Variants in NGLY1 observed in about 807,000 individuals in gnomAD.
NGLY1 encodes the protein peptide-N(4)-(N-acetyl-beta-glucosaminyl)asparagine amidase.
Under a neutral mutation model 84.6 loss-of-function variants are expected in NGLY1, and 68 were observed. That is an observed-to-expected ratio of 0.80 (90% CI 0.66 to 0.98). NGLY1 has a LOEUF of 0.98. NGLY1 is among the 50% of genes least tolerant of loss of function. The probability of loss-of-function intolerance (pLI) is 0.00; values close to 1 mark genes in which losing one functional copy is unlikely to be tolerated. For missense variants in NGLY1, 779 were observed against 770.2 expected (o/e 1.01, Z -0.14); for synonymous variants, 280 against 275.2 (o/e 1.02, Z -0.17).
intron 1 of NGLY1, chr3:25,789,771 A>G (rs1708681581): frequency 7.2e-7 from 1 of 1,394,690 alleles, no homozygotes; most frequent in African/African-American, 1.4e-5. Flanking sequence ...TTCCAGTAGA[A>G]TACGATGGTG....
rs533916953 is a variant in NGLY1 at position 25,781,983 on chromosome 3, T to C, written c.131+1277A>G. ...ATGGAGTCCCTTGGCATCCTTGTAC[T>C]GTGAAGAGCTGTAAGGCCTCAAAGA... On this transcript the variant is annotated intron_variant, in intron 1 of 11. Transcript: ENST00000280700. 2.0e-5 allele frequency among the ~76,000 whole-genome samples: 3 copies of C among 152,214 alleles called. No individual in the cohort carries two copies. The South Asian group carries it at 6.2e-4, about 32-fold the overall frequency.
chr3:25,762,355 T>C (rs1456076329), intron 3 of NGLY1, among the ~76,000 whole-genome samples: 4 of 152,144 alleles, frequency 2.6e-5, no homozygotes, highest in African/African-American at 9.7e-5. Flanking sequence ...CAAAATACTT[T>C]AAAGAAATAC....
At chr3:25,767,545 C>T (rs1033139907) in intron 2 of NGLY1, among the ~76,000 whole-genome samples, 4 of 152,168 alleles carry the variant, frequency 2.6e-5, no homozygotes, top group Admixed American at 6.5e-5. Flanking sequence ...AACTACTCCA[C>T]TGAGATAAAC....
chr3:25,748,244 C>G (rs1009771693), intron 4 of NGLY1, among the ~76,000 whole-genome samples: 1 of 152,168 alleles, frequency 6.6e-6, no homozygotes, highest in Non-Finnish European at 1.5e-5. Flanking sequence ...ATAGAACCTT[C>G]TCCTTGATAC....
intron 3 of NGLY1, among the ~76,000 whole-genome samples, chr3:25,753,339 T>C (rs993678911): frequency 6.6e-6 from 1 of 152,160 alleles, no homozygotes; most frequent in Admixed American, 6.6e-5. Context: ...ATAAATATAT[T>C]TTCTGATATG....
chr3:25,736,323 G>A (rs1411075052), intron 6 of NGLY1, 174 bp from the exon 7 acceptor site: 4 of 1,551,256 alleles, frequency 2.6e-6, no homozygotes, highest in Admixed American at 2.0e-5. Context: ...ATTAATTTCT[G>A]TCTCTTTGAA....
chr3:25,760,601 C>A (rs1707262824), intron 3 of NGLY1, among the ~76,000 whole-genome samples: 1 of 152,072 alleles, frequency 6.6e-6, no homozygotes, highest in Non-Finnish European at 1.5e-5. Context: ...TGGCTCACGC[C>A]TGTAACCCAG....
intron 2 of NGLY1, among the ~76,000 whole-genome samples, chr3:25,768,852 G>C (rs992355504): frequency 6.6e-5 from 10 of 151,820 alleles, no homozygotes; most frequent in African/African-American, 2.2e-4. Flanking sequence ...TCATGAGTAA[G>C]ACTTTAAGAA....
In NGLY1 at chr3:25,737,419, A is replaced by C; in HGVS notation, c.918T>G (p.Cys306Trp). The change falls in exon 6 of 12, where the codon TGT (cysteine) becomes TGG (tryptophan). Residue 306 changes from cysteine (C) to tryptophan (W), a missense_variant. Coordinates refer to ENST00000280700, the MANE Select transcript of NGLY1 (RefSeq NM_018297.4). ...AATTGGCCCACTCGCCACACCGTCC[A>C]CATCTTGTTTCCAAAAGTTTCTCAG... ...NNPEKLLETR[C>W]GRCGEWANCF... 6.2e-7 allele frequency: 1 copy of C among 1,613,396 alleles called. No homozygotes were observed. The highest frequency in any genetic ancestry group is 8.5e-7 in the Non-Finnish European group (1 of 1,179,814).
At chr3:25,750,895 C>T (rs1166830320) in intron 4 of NGLY1, among the ~76,000 whole-genome samples, 1 of 152,158 alleles carries the variant, frequency 6.6e-6, no homozygotes, top group South Asian at 2.1e-4. Flanking sequence ...GTCAGCCCTG[C>T]AGAACCCATG....
At chr3:25,785,651 T>C (rs759369899), upstream of NGLY1, among the ~76,000 whole-genome samples, 11 of 144,162 alleles carry the variant, frequency 7.6e-5, no homozygotes, top group Non-Finnish European at 1.4e-4. Flanking sequence ...CTGGGCAACA[T>C]GGCAAGACCC....
chr3:25,775,389 T>C (rs76129155), intron 2 of NGLY1, among the ~76,000 whole-genome samples: 1 of 152,210 alleles, frequency 6.6e-6, no homozygotes. Flanking sequence ...ATTAACCTAA[T>C]TGTCCATCAA....
At chr3:25,784,322 A>G (rs1301284374), upstream of NGLY1, among the ~76,000 whole-genome samples, 1 of 152,218 alleles carries the variant, frequency 6.6e-6, no homozygotes, top group Non-Finnish European at 1.5e-5. Flanking sequence ...CCAGCGTAAA[A>G]CACATGCATA....
At chr3:25,784,917 T>C (rs2125334193), upstream of NGLY1, among the ~76,000 whole-genome samples, 1 of 152,270 alleles carries the variant, frequency 6.6e-6, no homozygotes, top group Middle Eastern at 3.4e-3. Context: ...TGTCATAATG[T>C]CAGTGGACCC....
intron 10 of NGLY1, among the ~76,000 whole-genome samples, chr3:25,724,623 T>C (rs1705161419): frequency 6.6e-6 from 1 of 152,170 alleles, no homozygotes. Flanking sequence ...CTGACAATTA[T>C]TTACCTCTCT....
intron 3 of NGLY1, chr3:25,755,421 C>G: frequency 6.9e-7 from 1 of 1,452,410 alleles, no homozygotes; most frequent in Non-Finnish European, 9.7e-7. Context: ...CAAACAGTGT[C>G]TGTCCCAAAT....
At chr3:25,769,540 A>G (rs1232983273) in intron 2 of NGLY1, among the ~76,000 whole-genome samples, 1 of 152,190 alleles carries the variant, frequency 6.6e-6, no homozygotes, top group Non-Finnish European at 1.5e-5. Flanking sequence ...GCTATTATCA[A>G]AAAGACAGAA....
rs1367087492 is a variant in NGLY1 at position 25,749,774 on chromosome 3, T to C, written c.658+1324A>G. On this transcript the variant is annotated intron_variant, in intron 4 of 11. Transcript: ENST00000280700. ...GCTGCTGATGTGCAACAAAACTTAC[T>C]GTGCTGAGATTGCTCACAATGTTTC... 2.2e-6 allele frequency: 3 copies of C among 1,382,654 alleles called. No homozygotes were observed. In the African/African-American group the frequency reaches 4.2e-5, roughly 20 times the overall value. 85.6% of individuals were successfully genotyped at this position (1,382,654 alleles called of 1,614,324 possible).
At chr3:25,771,562 T>C (rs1056550498) in intron 2 of NGLY1, among the ~76,000 whole-genome samples, 1 of 152,190 alleles carries the variant, frequency 6.6e-6, no homozygotes, top group African/African-American at 2.4e-5. Context: ...TCTAGTTTTA[T>C]GGAGAATGAT....
Sources: gnomAD v4.1 joint callset for allele counts (sites outside exome capture counted in the v4.1 genomes callset) on GRCh38, gnomAD v4.1.1 for gene constraint, MANE v1.5 for transcripts, NCBI Gene and HGNC (gene_info 2026-07-23, HGNC 2026-07-21) for gene names.